The following NAV3 variants were observed in gnomAD, a reference collection of about 807,000 sequenced individuals.
The protein encoded by NAV3 is neuron navigator 3.
A neutral mutation model predicts 244.7 loss-of-function variants in NAV3; 87 were observed. That is an observed-to-expected ratio of 0.36 (90% CI 0.30 to 0.42). The LOEUF (loss-of-function observed/expected upper bound fraction) is 0.42. Ranked by LOEUF, NAV3 falls within the 20% of genes least tolerant of loss-of-function variation. The pLI, the probability that NAV3 is intolerant of heterozygous loss-of-function variation, is 1.00. For synonymous variants in NAV3, 1,126 were observed against 1,042.2 expected, an observed-to-expected ratio of 1.08 and a Z score of -1.55; for missense variants, 2,663 against 2,893.3, an observed-to-expected ratio of 0.92 and a Z score of 1.83.
chr12:77,721,579 A>G (rs183227313), intron 2 of NAV3, among the ~76,000 whole-genome samples: 277 of 152,294 alleles, frequency 1.8e-3, no homozygotes, highest in Non-Finnish European at 2.6e-3. Flanking sequence ...GTATAAAAAC[A>G]TGAAATATAA....
chr12:78,125,064 G>A (rs1218851372), intron 16 of NAV3, among the ~76,000 whole-genome samples: 2 of 151,992 alleles, frequency 1.3e-5, no homozygotes, highest in African/African-American at 4.8e-5. Flanking sequence ...ATCCTTTCAA[G>A]TACATTTAAG....
intron 12 of NAV3, among the ~76,000 whole-genome samples, chr12:78,092,708 GC>G (rs1322150900): frequency 6.6e-6 from 1 of 151,848 alleles, no homozygotes; most frequent in Non-Finnish European, 1.5e-5. Context: ...CACTGTGTTA[GC>G]CAGGATGGTC....
intron 8 of NAV3, among the ~76,000 whole-genome samples, chr12:78,019,416 A>G (rs1876776019): frequency 6.6e-6 from 1 of 152,184 alleles, no homozygotes; most frequent in South Asian, 2.1e-4. Flanking sequence ...GAGTTCAAAC[A>G]TGGAGAATAG....
At chr12:77,711,064 A>G (rs944950196) in intron 2 of NAV3, among the ~76,000 whole-genome samples, 1 of 152,250 alleles carries the variant, frequency 6.6e-6, no homozygotes, top group Admixed American at 6.5e-5. Flanking sequence ...TCTCAAATAA[A>G]TGACGCAACC....
At chr12:77,855,498 ATATAT>A (rs1198872283) in intron 1 of NAV3, among the ~76,000 whole-genome samples, 2 of 152,202 alleles carry the variant, frequency 1.3e-5, no homozygotes, top group African/African-American at 4.8e-5. Context: ...TGACATTGTG[ATATAT>A]TATAAGAATT....
At chr12:77,835,119 C>A (rs75746758) in intron 1 of NAV3, among the ~76,000 whole-genome samples, 11,972 of 152,154 alleles carry the variant, frequency 0.079, 672 homozygotes, top group South Asian at 0.24. Context: ...TTGCCATCAT[C>A]GATTTGTGGC....
rs575910175 is a variant in NAV3 at position 78,030,749 on chromosome 12, T to C, written c.2023+8887T>C. On this transcript the variant is annotated intron_variant, in intron 9 of 39. Transcript: ENST00000397909. ...TTAACACCACAAATAAATGAATAAA[T>C]AGGCACATGGAAACAACTAACTTAG... Among the ~76,000 whole-genome samples, 135 of 152,080 alleles carry C rather than the reference T, an allele frequency of 8.9e-4. No homozygotes were observed. The Middle Eastern group carries it at 0.031, about 34-fold the overall frequency.
intron 34 of NAV3, among the ~76,000 whole-genome samples, chr12:78,195,458 A>G (rs1329392904): frequency 1.3e-5 from 2 of 151,476 alleles, no homozygotes; most frequent in African/African-American, 2.4e-5. Context: ...ATGTCTCCCT[A>G]TAATGTTTTG....
chr12:78,075,883 A>G (rs919698833), intron 12 of NAV3, among the ~76,000 whole-genome samples: 1 of 152,192 alleles, frequency 6.6e-6, no homozygotes, highest in African/African-American at 2.4e-5. Context: ...TATATAATTC[A>G]GGGTTCAAAT....
At chr12:78,148,594 G>A (rs1956955607) in intron 21 of NAV3, among the ~76,000 whole-genome samples, 1 of 152,080 alleles carries the variant, frequency 6.6e-6, no homozygotes, top group Non-Finnish European at 1.5e-5. Flanking sequence ...GCCATTTGAG[G>A]GATGGCAAAT....
intron 2 of NAV3, among the ~76,000 whole-genome samples, chr12:77,719,944 A>C (rs569951819): frequency 3.3e-5 from 5 of 151,872 alleles, no homozygotes; most frequent in Non-Finnish European, 7.4e-5. Flanking sequence ...GAGATTTTTT[A>C]ATTTATTTTC....
intron 9 of NAV3, among the ~76,000 whole-genome samples, chr12:78,045,305 T>A (rs1257513984): frequency 6.6e-6 from 1 of 152,154 alleles, no homozygotes; most frequent in East Asian, 1.9e-4. Context: ...GATAAGCTTT[T>A]TTTTTGTTGA....
At chr12:77,757,871 C>CA (rs1358842329) in intron 2 of NAV3, among the ~76,000 whole-genome samples, 4 of 152,154 alleles carry the variant, frequency 2.6e-5, no homozygotes, top group Non-Finnish European at 5.9e-5. Context: ...AAGCCTTATG[C>CA]AATTCATATC....
chr12:78,183,499 C>G (rs116076050), intron 30 of NAV3, among the ~76,000 whole-genome samples: 1,891 of 152,010 alleles, frequency 0.012, 36 homozygotes, highest in African/African-American at 0.042. Context: ...ACAATTTGTT[C>G]AAGATCATGA....
chr12:78,016,064 A>T (rs1316356071), intron 8 of NAV3, among the ~76,000 whole-genome samples: 1 of 152,010 alleles, frequency 6.6e-6, no homozygotes, highest in East Asian at 1.9e-4. Flanking sequence ...ACTCTTTGAG[A>T]ATTTTCTTTC....
intron 2 of NAV3, among the ~76,000 whole-genome samples, chr12:77,744,753 T>A (rs1868450014): frequency 6.6e-6 from 1 of 151,780 alleles, no homozygotes; most frequent in South Asian, 2.1e-4. Context: ...AGTCTTTTAA[T>A]GTGGTTTGAT....
rs2136583130 is a variant in NAV3, at chr12:78,007,034, C to A, written c.1496C>A (p.Thr499Asn). The change falls in exon 8 of 40, where the codon ACC becomes AAC. Residue 499 changes from threonine to asparagine, a missense_variant. Transcript: ENST00000397909. ...GTGACAGAGATGGCTCCAAAAAAGA[C>A]CTCCAAAATTGCAAGCTTGATCCCT... The part of the protein sequence containing the change: ...DQVTEMAPKK[T>N]SKIASLIPKG... The A allele has an allele frequency of 1.2e-6, 2 of 1,614,030 alleles. No homozygotes were observed. Among genetic ancestry groups the A allele is most frequent in the East Asian group, 2.2e-5 (1 of 44,876 alleles).
At chr12:78,064,662 C>T (rs1242871756) in intron 12 of NAV3, among the ~76,000 whole-genome samples, 1 of 152,024 alleles carries the variant, frequency 6.6e-6, no homozygotes, top group Non-Finnish European at 1.5e-5. Context: ...CAATTCATAA[C>T]CCTGTGTAAC....
intron 2 of NAV3, among the ~76,000 whole-genome samples, chr12:77,703,101 A>G (rs1046946956): frequency 5.3e-5 from 8 of 152,074 alleles, no homozygotes; most frequent in African/African-American, 1.9e-4. Context: ...GATAAGTTTT[A>G]TAAATCTGTC....
Sources: allele counts gnomAD v4.1 joint callset (sites outside exome capture counted in the v4.1 genomes callset), GRCh38; gene constraint gnomAD v4.1.1; transcripts MANE v1.5; gene names NCBI Gene and HGNC (gene_info 2026-07-23, HGNC 2026-07-21).